The following TSPAN14 variants were observed in gnomAD, a reference collection of about 807,000 sequenced individuals.
TSPAN14 encodes tetraspanin 14.
Under a neutral mutation model 36.6 loss-of-function variants are expected in TSPAN14, and 16 were observed. That is an observed-to-expected ratio of 0.44 (90% CI 0.30 to 0.66). The LOEUF (loss-of-function observed/expected upper bound fraction) is 0.66. Among genes scored for constraint, TSPAN14 ranks in the 30% least tolerant of loss-of-function variants. The pLI, the probability that TSPAN14 is intolerant of heterozygous loss-of-function variation, is 0.12. For missense variants in TSPAN14, 231 were observed against 355.1 expected (o/e 0.65, Z 2.81); for synonymous variants, 139 against 143.8 (o/e 0.97, Z 0.24).
intron 3 of TSPAN14, among the ~76,000 whole-genome samples, chr10:80,506,483 G>T (rs140781926): frequency 6.6e-6 from 1 of 152,154 alleles, no homozygotes; most frequent in Non-Finnish European, 1.5e-5. Flanking sequence ...TGGTCTCTCC[G>T]GTCCCTTAGT....
At chr10:80,494,989 T>TA (rs558876693) in intron 2 of TSPAN14, among the ~76,000 whole-genome samples, 110 of 152,350 alleles carry the variant, frequency 7.2e-4, no homozygotes, top group Non-Finnish European at 1.3e-3. Flanking sequence ...AGTCTTAAGA[T>TA]ACGCATTTTC....
chr10:80,520,619 G>A lies in TSPAN14; in HGVS notation c.*2643G>A, dbSNP rs748778135. The A allele has an allele frequency of 3.8e-6, 2 of 533,290 alleles. 1 individual carries two copies. The highest frequency in any genetic ancestry group is 6.4e-4 in the Middle Eastern group (2 of 3,146). The allele number at this position is 533,290 out of a possible 1,614,324, so 33.0% of individuals were successfully genotyped here. A position where few individuals can be genotyped will look rare whatever the true frequency, so the allele number is the denominator to read the frequency against. ...CACCCCCTCTCAGGATCTTGTCAAC[G>A]TTATTTTTCCTGTCCCGTCTTCCTA... On this transcript the variant is annotated 3_prime_UTR_variant, in exon 9 of 9. Transcript: ENST00000429989.
chr10:80,476,409 GTTTTTTT>G (rs60589813), intron 1 of TSPAN14, among the ~76,000 whole-genome samples: 2,178 of 85,218 alleles, frequency 0.026, 69 homozygotes, highest in African/African-American at 0.083. Flanking sequence ...TTGTTTTACT[GTTTTTTT>G]TTTTTTTTTT....
exon 8 of TSPAN14, chr10:80,516,305 C>T (rs72821609): frequency 0.03 from 49,161 of 1,614,232 alleles, 944 homozygotes; most frequent in Middle Eastern, 0.043. Flanking sequence ...GCGTCTTCAT[C>T]GCCATCTCGC....
intron 4 of TSPAN14, among the ~76,000 whole-genome samples, chr10:80,508,184 C>T (rs1167668687): frequency 4.7e-5 from 7 of 149,878 alleles, no homozygotes; most frequent in Admixed American, 1.3e-4. Flanking sequence ...GGCGTGATCT[C>T]GGCTAACTGC....
chr10:80,502,377 G>A (rs933829327), intron 2 of TSPAN14, among the ~76,000 whole-genome samples: 8 of 152,194 alleles, frequency 5.3e-5, no homozygotes, highest in African/African-American at 1.9e-4. Flanking sequence ...TCCCAGCTCT[G>A]TATTTTTGAA....
In TSPAN14 at chr10:80,509,642, C is replaced by T. The variant is rs532119263; in HGVS notation, c.450+171C>T. On this transcript the variant is annotated intron_variant, in intron 5 of 8. Transcript: ENST00000429989. This position sits in a 1 kb window ranked among gnomAD's most constrained non-coding sequence, Gnocchi z 4.7. ...CCACCTCTGGTCTGTTCCACTTTGC[C>T]GGCTTGTGGTTGCCTGGTGGGCCAG... The T allele has an allele frequency of 8.7e-5, 61 of 702,032 alleles. No individual in the cohort carries two copies. The Admixed American group carries it at 1.6e-3, about 18-fold the overall frequency. The allele number at this position is 702,032 out of a possible 1,614,324, so 43.5% of individuals were successfully genotyped here. A position where few individuals can be genotyped will look rare whatever the true frequency, so the allele number is the denominator to read the frequency against.
intron 2 of TSPAN14, among the ~76,000 whole-genome samples, chr10:80,495,572 A>C (rs568218053): frequency 6.6e-6 from 1 of 152,282 alleles, no homozygotes; most frequent in South Asian, 2.1e-4. Context: ...GGGATGTTCA[A>C]GGTGCTCTGA....
Position 80,504,924 on chromosome 10 carries a change from C to T in TSPAN14, c.132+146C>T, listed in dbSNP as rs1035094829. ...GTATAATTGTCAATCTTTACAGACA[C>T]AGCTCTTGCGTACTCTGCCCACATG... is the stretch of plus-strand genomic sequence containing the variant. On this transcript the variant is annotated intron_variant, in intron 3 of 8. Coordinates refer to ENST00000429989, the Ensembl canonical transcript of TSPAN14. 5 of 916,278 alleles carry T rather than the reference C, an allele frequency of 5.5e-6. No individual in the cohort carries two copies. In the Admixed American group the frequency reaches 1.1e-4, roughly 19 times the overall value. The allele number at this position is 916,278 out of a possible 1,614,324, so 56.8% of individuals were successfully genotyped here.
chr10:80,468,395 T>G (rs1344643724), intron 1 of TSPAN14, among the ~76,000 whole-genome samples: 1 of 152,132 alleles, frequency 6.6e-6, no homozygotes, highest in African/African-American at 2.4e-5. Context: ...TCTGTGAGGA[T>G]CCATTGGGAT....
chr10:80,513,050 A>G (rs998390722), intron 6 of TSPAN14, among the ~76,000 whole-genome samples: 1 of 152,090 alleles, frequency 6.6e-6, no homozygotes, highest in African/African-American at 2.4e-5. Context: ...AGGCTTGAGC[A>G]CCACACCTGG....
chr10:80,476,737 TG>T (rs1453725197), intron 1 of TSPAN14, among the ~76,000 whole-genome samples: 6 of 152,270 alleles, frequency 3.9e-5, no homozygotes, highest in Admixed American at 1.3e-4. Flanking sequence ...TGTTTTGTTT[TG>T]TTTTTTTTTA....
At chr10:80,504,531 T>G (rs893119128) in intron 2 of TSPAN14, among the ~76,000 whole-genome samples, 197 bp from the exon 3 acceptor site, 10 of 152,204 alleles carry the variant, frequency 6.6e-5, no homozygotes, top group African/African-American at 1.9e-4. Context: ...CATAGGGTCA[T>G]CTGAGGTTGA....
chr10:80,475,953 C>T lies in TSPAN14; in HGVS notation c.-17-13264C>T, dbSNP rs559766202. 1.8e-4 allele frequency among the ~76,000 whole-genome samples: 28 copies of T among 152,314 alleles called. No individual in the cohort carries two copies. The South Asian group carries it at 5.0e-3, about 27-fold the overall frequency. On this transcript the variant is annotated intron_variant, in intron 1 of 8. Coordinates refer to ENST00000429989, the Ensembl canonical transcript of TSPAN14. Reference sequence around the variant, plus strand: ...GTTTGGTTCCAGGACATACCCCCTCCATTATGCCAAAATCCATAGATGCTC... The same window carrying T: ...GTTTGGTTCCAGGACATACCCCCTCTATTATGCCAAAATCCATAGATGCTC...
exon 9 of TSPAN14, chr10:80,517,975 G>A (rs1204149702): frequency 6.4e-7 from 1 of 1,557,944 alleles, no homozygotes; most frequent in East Asian, 2.4e-5. Flanking sequence ...CATCACTTCT[G>A]AGGAGCAGAG....
At chr10:80,491,809 A>ACAAACAGGAACAGTCAGGAAGAC (rs1264457585) in intron 2 of TSPAN14, among the ~76,000 whole-genome samples, 9 of 152,218 alleles carry the variant, frequency 5.9e-5, no homozygotes, top group Admixed American at 1.3e-4. Context: ...ACAGGAAGGA[A>ACAAACAGGAACAGTCAGGAAGAC]CAAACAGGAA....
At position 80,509,447 on chromosome 10, in the gene TSPAN14, C is replaced by T. The variant is rs769562360; in HGVS notation, c.426C>T (p.Asn142=). 3.1e-6 allele frequency: 5 copies of T among 1,613,928 alleles called. No individual in the cohort carries two copies. In the African/African-American group the frequency reaches 5.3e-5, roughly 17 times the overall value. ...ACCGGGACGATATCGATCTGCAAAACCTCATCGACTCCCTTCAGAAAGCTG... is the reference window on the plus strand; with the variant it reads ...ACCGGGACGATATCGATCTGCAAAATCTCATCGACTCCCTTCAGAAAGCTG... The change falls in exon 5 of 9, where the codon AAC becomes AAT. Residue 142 remains asparagine, a synonymous_variant. Coordinates refer to ENST00000429989, the Ensembl canonical transcript of TSPAN14. This position sits in a 1 kb window ranked among gnomAD's most constrained non-coding sequence, Gnocchi z 4.7.
chr10:80,494,598 C>T (rs921018048), intron 2 of TSPAN14, among the ~76,000 whole-genome samples: 3 of 152,174 alleles, frequency 2.0e-5, no homozygotes, highest in Admixed American at 6.5e-5. Flanking sequence ...GACTTGCCAC[C>T]TCCCAGGATA....
chr10:80,482,443 C>A (rs554261559), intron 1 of TSPAN14, among the ~76,000 whole-genome samples: 1 of 150,854 alleles, frequency 6.6e-6, no homozygotes, highest in Non-Finnish European at 1.5e-5. Context: ...CCCGCCACCA[C>A]GCCTGGCTAA....
Sources: allele counts gnomAD v4.1 joint callset (sites outside exome capture counted in the v4.1 genomes callset), GRCh38; gene constraint gnomAD v4.1.1; non-coding constraint Gnocchi (gnomAD v3.1); transcripts MANE v1.5; gene names NCBI Gene and HGNC (gene_info 2026-07-23, HGNC 2026-07-21).